Variants in GFPT1 observed in about 807,000 individuals in gnomAD.
GFPT1 encodes glutamine--fructose-6-phosphate transaminase 1, also known as glutamine--fructose-6-phosphate aminotransferase [isomerizing] 1.
In GFPT1, 40 loss-of-function variants were observed where a neutral mutation model predicts 92.0. The ratio of observed to expected loss-of-function variants is 0.43; its 90% CI spans 0.34 to 0.57. The LOEUF (loss-of-function observed/expected upper bound fraction) is 0.57. GFPT1 is among the 20% of genes least tolerant of loss of function. GFPT1 has a pLI of 0.02. For synonymous variants in GFPT1, 269 were observed against 280.6 expected, an observed-to-expected ratio of 0.96 and a Z score of 0.41; for missense variants, 448 against 869.1, an observed-to-expected ratio of 0.52 and a Z score of 6.09.
At chr2:69,386,820 C>T (rs562629762) in intron 1 of GFPT1, among the ~76,000 whole-genome samples, 70 of 152,320 alleles carry the variant, frequency 4.6e-4, no homozygotes, top group Non-Finnish European at 8.4e-4. Flanking sequence ...CGCCAAGGCG[C>T]CCGCTAGCCC....
At chr2:69,344,087 G>A (rs1396837274) in intron 12 of GFPT1, among the ~76,000 whole-genome samples, 1 of 146,914 alleles carries the variant, frequency 6.8e-6, no homozygotes, top group Non-Finnish European at 1.5e-5. Context: ...GTTTTCCACA[G>A]ACCTTGGCAT....
At chr2:69,344,737 G>T (rs1332227766) in intron 12 of GFPT1, among the ~76,000 whole-genome samples, 2 of 151,526 alleles carry the variant, frequency 1.3e-5, no homozygotes, top group Admixed American at 1.3e-4. Context: ...TCGATCTACA[G>T]GGCTCAAGCA....
At chr2:69,352,843 C>T (rs1487415870) in intron 9 of GFPT1, among the ~76,000 whole-genome samples, 2 of 151,366 alleles carry the variant, frequency 1.3e-5, no homozygotes, top group East Asian at 2.0e-4. Context: ...GTCAGGAGTT[C>T]GAGATTAGCC....
chr2:69,341,194 C>G (rs1670942989), intron 13 of GFPT1, among the ~76,000 whole-genome samples: 1 of 151,888 alleles, frequency 6.6e-6, no homozygotes, highest in African/African-American at 2.4e-5. Context: ...GTCAACTGAT[C>G]CTCCCACTTT....
At chr2:69,350,433 T>C (rs575066911) in intron 9 of GFPT1, among the ~76,000 whole-genome samples, 3 of 152,286 alleles carry the variant, frequency 2.0e-5, no homozygotes, top group African/African-American at 7.2e-5. Context: ...TATGTTTTTT[T>C]AATATAATAT....
chr2:69,384,251 A>G (rs1215008387), intron 1 of GFPT1, among the ~76,000 whole-genome samples: 2 of 152,188 alleles, frequency 1.3e-5, no homozygotes, highest in African/African-American at 4.8e-5. Flanking sequence ...TGCTTCCCAA[A>G]TTTACTGGAC....
chr2:69,371,891 T>C (rs1438234712), intron 2 of GFPT1, among the ~76,000 whole-genome samples: 1 of 149,362 alleles, frequency 6.7e-6, no homozygotes, highest in Non-Finnish European at 1.5e-5. Context: ...ACAAAGAAGT[T>C]ACCAACATAT....
At chr2:69,382,811 A>G (rs536918567) in intron 1 of GFPT1, among the ~76,000 whole-genome samples, 2 of 152,308 alleles carry the variant, frequency 1.3e-5, no homozygotes, top group Non-Finnish European at 1.5e-5. Flanking sequence ...CACCCAGAAC[A>G]TTCCTGAACC....
chr2:69,361,948 C>G (rs565290707), intron 4 of GFPT1, among the ~76,000 whole-genome samples: 50 of 152,200 alleles, frequency 3.3e-4, no homozygotes, highest in African/African-American at 1.2e-3. Context: ...CCACTGTACC[C>G]AGCCTGGGTG....
chr2:69,381,270 A>T (rs1003611215), intron 1 of GFPT1, among the ~76,000 whole-genome samples: 48 of 152,190 alleles, frequency 3.2e-4, no homozygotes, highest in Non-Finnish European at 6.5e-4. Context: ...GGCGTGAGCC[A>T]CTGCGCCTGG....
intron 6 of GFPT1, among the ~76,000 whole-genome samples, chr2:69,357,094 T>C (rs551984780): frequency 4.5e-4 from 69 of 152,288 alleles, no homozygotes; most frequent in African/African-American, 1.5e-3. Context: ...ACTACAAAAA[T>C]AGATCATTTA....
In GFPT1 at chr2:69,325,517, G is replaced by A. The variant is rs1018182082; in HGVS notation, c.*672C>T. 6.6e-6 allele frequency: 1 copy of A among 152,084 alleles called. No homozygotes were observed. Among genetic ancestry groups the A allele is most frequent in the African/African-American group, 2.4e-5 (1 of 41,422 alleles). The allele number at this position is 152,084 out of a possible 1,614,324, so 9.4% of individuals were successfully genotyped here. On this transcript the variant is annotated 3_prime_UTR_variant, in exon 20 of 20. Transcript: ENST00000357308. ...TTTAAAGTTTGTGCTATAAAATTGT[G>A]CAAATATGTTAAGGATTGAGACCCA...
intron 1 of GFPT1, among the ~76,000 whole-genome samples, chr2:69,384,936 G>C (rs1009059366): frequency 2.6e-5 from 4 of 151,942 alleles, no homozygotes; most frequent in African/African-American, 7.3e-5. Context: ...CTAAGATGTG[G>C]GAGGAAAATA....
intron 15 of GFPT1, among the ~76,000 whole-genome samples, chr2:69,330,457 A>G (rs1322692296): frequency 6.6e-6 from 1 of 151,940 alleles, no homozygotes; most frequent in Non-Finnish European, 1.5e-5. Context: ...CAAGTGCTTG[A>G]TAAACTCTCC....
At chr2:69,353,414 G>A (rs1453888900) in intron 9 of GFPT1, among the ~76,000 whole-genome samples, 2 of 152,108 alleles carry the variant, frequency 1.3e-5, no homozygotes, top group Non-Finnish European at 2.9e-5. Context: ...CATGCCTGTG[G>A]TCCCAGCTAC....
chr2:69,338,687 A>C, intron 13 of GFPT1, 122 bp from the exon 14 acceptor site: 1 of 862,332 alleles, frequency 1.2e-6, no homozygotes, highest in East Asian at 2.5e-5. Context: ...TTAGAAAATA[A>C]AAACAACCCA....
chr2:69,326,192 C>T lies in GFPT1; in HGVS notation c.2097G>A (p.Glu699=), dbSNP rs1670527063. The T allele has an allele frequency of 1.3e-6, 2 of 1,588,230 alleles. No individual in the cohort carries two copies. Among genetic ancestry groups the T allele is most frequent in the Admixed American group, 1.7e-5 (1 of 59,872 alleles). ...PRNLAKSVTV[E] ...GTACATTTTGTATAGATATTCCTCA[C>T]TCTACAGTCACAGATTTGGCAAGAT... Residue 699 remains glutamate, a synonymous_variant, in exon 20 of 20, where the codon GAG becomes GAA. Coordinates refer to ENST00000357308, the MANE Select transcript of GFPT1 (RefSeq NM_001244710.2).
At position 69,348,187 on chromosome 2, in the gene GFPT1, G is replaced by T. The variant is rs1671128479; in HGVS notation, c.993C>A (p.Leu331=). ...AACTTTCACCCTTCATGATCTGCTG[G>T]AGTTCCATCTGGAGTGTTTGCACAG... ...GRAVQTLQME[L]QQIMKGNFSS... The change falls in exon 11 of 20, where the codon CTC becomes CTA. Residue 331 remains leucine, a synonymous_variant. Coordinates refer to ENST00000357308, the MANE Select transcript of GFPT1 (RefSeq NM_001244710.2). The T allele has an allele frequency of 6.2e-7, 1 of 1,613,740 alleles. No homozygotes were observed. The highest frequency in any genetic ancestry group is 8.5e-7 in the Non-Finnish European group (1 of 1,179,678).
Position 69,324,629 on chromosome 2 carries a change from C to T in GFPT1, c.*1560G>A, listed in dbSNP as rs1357774268. On this transcript the variant is annotated 3_prime_UTR_variant, in exon 20 of 20. Coordinates refer to ENST00000357308, the MANE Select transcript of GFPT1 (RefSeq NM_001244710.2). ...GCAGAATTCTATGCTTCTCTGGCAACAACAATAACTATTAGAAAATCTTAA... is the reference window on the plus strand; with the variant it reads ...GCAGAATTCTATGCTTCTCTGGCAATAACAATAACTATTAGAAAATCTTAA... The T allele has an allele frequency of 6.6e-6, 1 of 151,922 alleles. No homozygotes were observed. The highest frequency in any genetic ancestry group is 1.5e-5 in the Non-Finnish European group (1 of 67,966). 9.4% of individuals were successfully genotyped at this position (151,922 alleles called of 1,614,324 possible).
Sources: gnomAD v4.1 joint callset for allele counts (sites outside exome capture counted in the v4.1 genomes callset) on GRCh38, gnomAD v4.1.1 for gene constraint, MANE v1.5 for transcripts, NCBI Gene and HGNC (gene_info 2026-07-23, HGNC 2026-07-21) for gene names.